The following FAF2 variants were observed in gnomAD, a reference collection of about 807,000 sequenced individuals.
The protein encoded by FAF2 is FAS-associated factor 2.
FAF2 carries 9 observed loss-of-function variants against 62.3 expected under a neutral mutation model. The ratio of observed to expected loss-of-function variants is 0.14; its 90% CI spans 0.09 to 0.25. FAF2 has a LOEUF of 0.25. Among genes scored for constraint, FAF2 ranks in the 10% least tolerant of loss-of-function variants. The pLI is 1.00. For missense variants in FAF2, 368 were observed against 556.2 expected (o/e 0.66, Z 3.40); for synonymous variants, 202 against 198.0 (o/e 1.02, Z -0.17).
rs927818118 is a variant in FAF2 at position 176,502,735 on chromosome 5, C to T, written c.1155+2589C>T. ...TCCTTGAAGACTTTTAAATGGGTTC[C>T]TCACTAAAAGCTGTTTTTTAAAAAA... On this transcript the variant is annotated intron_variant, in intron 10 of 10. Coordinates refer to ENST00000261942, the MANE Select transcript of FAF2 (RefSeq NM_014613.3). 1.1e-4 allele frequency among the ~76,000 whole-genome samples: 16 copies of T among 152,032 alleles called. 1 individual carries two copies. The highest frequency in any genetic ancestry group is 3.9e-4 in the African/African-American group (16 of 41,500).
At chr5:176,493,012 G>T (rs1317887788) in intron 5 of FAF2, among the ~76,000 whole-genome samples, 1 of 152,064 alleles carries the variant, frequency 6.6e-6, no homozygotes, top group African/African-American at 2.4e-5. Context: ...CACCATTCAG[G>T]GGAGGAAAAA....
chr5:176,501,925 TG>T (rs1486867629), intron 10 of FAF2, among the ~76,000 whole-genome samples: 2 of 152,108 alleles, frequency 1.3e-5, no homozygotes, highest in Non-Finnish European at 2.9e-5. Flanking sequence ...GGCTAATTTT[TG>T]TATTTTTTTT....
intron 1 of FAF2, among the ~76,000 whole-genome samples, chr5:176,468,890 G>C (rs958659839): frequency 1.3e-5 from 2 of 152,066 alleles, no homozygotes; most frequent in African/African-American, 4.8e-5. Flanking sequence ...GTTACAGTGA[G>C]CTATGATCAT....
rs892207649 is a variant in FAF2 at position 176,494,696 on chromosome 5, A to T, written c.661+421A>T. 1.3e-5 allele frequency among the ~76,000 whole-genome samples: 2 copies of T among 152,132 alleles called. No homozygotes were observed. Among genetic ancestry groups the T allele is most frequent in the Non-Finnish European group, 2.9e-5 (2 of 68,026 alleles). On this transcript the variant is annotated intron_variant, in intron 7 of 10. Coordinates refer to ENST00000261942, the MANE Select transcript of FAF2 (RefSeq NM_014613.3). This position sits in a 1 kb window ranked among gnomAD's most constrained non-coding sequence, Gnocchi z 4.0. ...CAGCCTCCTGAGTAGCTGGAACTACAGGCATGCACCACCACGCCCAGCTAA... is the reference window on the plus strand; with the variant it reads ...CAGCCTCCTGAGTAGCTGGAACTACTGGCATGCACCACCACGCCCAGCTAA...
At chr5:176,466,047 A>G (rs777089821) in intron 1 of FAF2, among the ~76,000 whole-genome samples, 37 of 152,218 alleles carry the variant, frequency 2.4e-4, no homozygotes, top group Non-Finnish European at 3.2e-4. Flanking sequence ...AAGGGTTTCA[A>G]TACTTACAGT....
intron 1 of FAF2, among the ~76,000 whole-genome samples, chr5:176,468,779 A>G (rs1435570341): frequency 2.7e-5 from 4 of 150,156 alleles, no homozygotes; most frequent in Admixed American, 2.6e-4. Flanking sequence ...CTAGCCCCCA[A>G]AAAAACAAAA....
At chr5:176,455,812 A>G (rs1371925396) in intron 1 of FAF2, among the ~76,000 whole-genome samples, 1 of 149,768 alleles carries the variant, frequency 6.7e-6, no homozygotes, top group African/African-American at 2.6e-5. Flanking sequence ...TCCCTAAAGA[A>G]AACGATAGGC....
chr5:176,484,877 A>G (rs1289506463), intron 2 of FAF2, among the ~76,000 whole-genome samples: 1 of 150,144 alleles, frequency 6.7e-6, no homozygotes, highest in East Asian at 2.0e-4. Context: ...GGGCAACAGA[A>G]TAAGACTCCA....
intron 10 of FAF2, among the ~76,000 whole-genome samples, chr5:176,503,181 G>T (rs971882474): frequency 6.6e-6 from 1 of 152,306 alleles, no homozygotes; most frequent in South Asian, 2.1e-4. Flanking sequence ...GTGCCCTGGT[G>T]GTGCTGGCCT....
chr5:176,462,993 C>T (rs766480839), intron 1 of FAF2, among the ~76,000 whole-genome samples: 7 of 152,048 alleles, frequency 4.6e-5, no homozygotes, highest in Non-Finnish European at 1.0e-4. Flanking sequence ...TGAATCTGAG[C>T]GGTAAAGTCA....
intron 4 of FAF2, among the ~76,000 whole-genome samples, chr5:176,490,031 G>T (rs907657181): frequency 6.6e-6 from 1 of 151,876 alleles, no homozygotes; most frequent in South Asian, 2.1e-4. Context: ...GGCTCAACTG[G>T]CCGGGCTCTG....
intron 1 of FAF2, among the ~76,000 whole-genome samples, chr5:176,463,107 T>G (rs1162031747): frequency 6.6e-6 from 1 of 152,034 alleles, no homozygotes; most frequent in African/African-American, 2.4e-5. Flanking sequence ...TAGGAATTAA[T>G]AGGGGCCAGG....
Position 176,506,834 on chromosome 5 carries a change from C to T in FAF2, c.1222C>T (p.Pro408Ser). ...PEKFQIEANF[P>S]RRVLPCIPSE... ...AAAGTTTCAGATTGAAGCCAATTTTCCCAGGCGAGTGCTGCCCTGCATCCC... is the reference window on the plus strand; with the variant it reads ...AAAGTTTCAGATTGAAGCCAATTTTTCCAGGCGAGTGCTGCCCTGCATCCC... Residue 408 changes from proline to serine, a missense_variant, in exon 11 of 11, where the codon CCC (proline) becomes TCC (serine). Around this residue, in one of 2 missense-constraint regions of FAF2, gnomAD observed 37 missense variants for 114.3 expected, o/e 0.32. Transcript: ENST00000261942. The T allele has an allele frequency of 6.2e-7, 1 of 1,613,972 alleles. No homozygotes were observed. Among genetic ancestry groups the T allele is most frequent in the Non-Finnish European group, 8.5e-7 (1 of 1,179,982 alleles).
intron 1 of FAF2, among the ~76,000 whole-genome samples, chr5:176,467,117 GTT>G (rs71583546): frequency 8.5e-6 from 1 of 117,534 alleles, no homozygotes; most frequent in African/African-American, 3.2e-5. Context: ...CCCAATGGCT[GTT>G]TTTTTTTTCC....
rs745385680 is a variant in FAF2 at position 176,494,313 on chromosome 5, A to G, written c.661+38A>G. On this transcript the variant is annotated intron_variant, in intron 7 of 10. Transcript: ENST00000261942. This position sits in a 1 kb window ranked among gnomAD's most constrained non-coding sequence, Gnocchi z 4.0. ...TCTTCTGCCTCATTGAGATTGTTGGAGTATCTTTGGAATAGTCTGGAAAGA... is the reference window on the plus strand; with the variant it reads ...TCTTCTGCCTCATTGAGATTGTTGGGGTATCTTTGGAATAGTCTGGAAAGA... 17 of 1,536,166 alleles carry G rather than the reference A, an allele frequency of 1.1e-5. No homozygotes were observed. In the African/African-American group the frequency reaches 1.2e-4, roughly 11 times the overall value.
chr5:176,472,906 G>C (rs1210694943), intron 1 of FAF2, among the ~76,000 whole-genome samples: 2 of 151,854 alleles, frequency 1.3e-5, no homozygotes, highest in Non-Finnish European at 2.9e-5. Flanking sequence ...CTCCCTTCTT[G>C]TTTCCTCCCT....
chr5:176,476,568 G>A (rs913107454), intron 1 of FAF2, among the ~76,000 whole-genome samples: 3 of 151,204 alleles, frequency 2.0e-5, no homozygotes, highest in Non-Finnish European at 4.4e-5. Context: ...AAACAATTTT[G>A]GTATTTAGAG....
Position 176,486,360 on chromosome 5 carries a change from T to A in FAF2, c.138T>A (p.Ala46=), listed in dbSNP as rs374523039. The A allele has an allele frequency of 9.9e-6, 16 of 1,612,108 alleles. No individual in the cohort carries two copies. ...LEQHNWNIEA[A]VQDRLNEQEG... Reference sequence around the variant, plus strand: ...CACTCCGTTTTCCTTCTCAGGCTGCTGTACAGGACAGATTGAATGAGCAAG... The same window carrying A: ...CACTCCGTTTTCCTTCTCAGGCTGCAGTACAGGACAGATTGAATGAGCAAG... The change falls in exon 3 of 11, where the codon GCT becomes GCA. Residue 46 remains alanine (A), a synonymous_variant. Transcript: ENST00000261942.
At chr5:176,499,457 C>T (rs1176739977) in intron 9 of FAF2, among the ~76,000 whole-genome samples, 1 of 152,082 alleles carries the variant, frequency 6.6e-6, no homozygotes, top group East Asian at 1.9e-4. Flanking sequence ...CCAGTATTAG[C>T]TGATTTGGCA....
Sources: gnomAD v4.1 joint callset for allele counts (sites outside exome capture counted in the v4.1 genomes callset) on GRCh38, gnomAD v4.1.1 for gene constraint, gnomAD v4.1.1 regional missense constraint, Gnocchi (gnomAD v3.1) non-coding constraint, MANE v1.5 for transcripts, NCBI Gene and HGNC (gene_info 2026-07-23, HGNC 2026-07-21) for gene names.